Variants in ZNF626 observed in about 807,000 individuals in gnomAD.
ZNF626 encodes zinc finger protein 626, also known as CTC-513N18.7.
In ZNF626, 4 loss-of-function variants were observed where a neutral mutation model predicts 11.7. That is an observed-to-expected ratio of 0.34 (90% CI 0.17 to 0.78). ZNF626 has a LOEUF of 0.78. ZNF626 is among the 30% of genes least tolerant of loss of function. The probability of loss-of-function intolerance (pLI) is 0.57; values close to 1 mark genes in which losing one functional copy is unlikely to be tolerated. For synonymous variants in ZNF626, 179 were observed against 198.6 expected (o/e 0.90, Z 0.83); for missense variants, 588 against 587.1 (o/e 1.00, Z -0.01).
chr19:20,633,759 C>T (rs1555770639), intron 3 of ZNF626, among the ~76,000 whole-genome samples: 2 of 152,196 alleles, frequency 1.3e-5, no homozygotes, highest in African/African-American at 2.4e-5. Context: ...GATGCCTCGC[C>T]CTGCTTTGGC....
intron 3 of ZNF626, among the ~76,000 whole-genome samples, chr19:20,628,338 C>A (rs1158720161): frequency 6.6e-6 from 1 of 152,036 alleles, no homozygotes; most frequent in Non-Finnish European, 1.5e-5. Flanking sequence ...AGTTCTAGAT[C>A]CCTGAGGAAT....
At position 20,625,047 on chromosome 19, in the gene ZNF626, A is replaced by C. The variant is rs547563086; in HGVS notation, c.830T>G (p.Ile277Arg). ...GTAGGGTTTCTTTTCCGTATGAATT[A>C]TCTCATGTTTACTAAGGGTTGAGGA... is the stretch of plus-strand genomic sequence containing the variant. ...MSSSTLSKHE[I>R]IHTEKKPYKC... The change falls in exon 4 of 4, where the codon ATA becomes AGA. Residue 277 changes from isoleucine to arginine, a missense_variant. Ile to Arg is a moderately conservative substitution (Grantham distance 97). Around this residue, in one of 4 missense-constraint regions of ZNF626, gnomAD observed 524 missense variants for 470.1 expected, o/e 1.11. Transcript: ENST00000601440. 110 of 1,610,206 alleles carry C rather than the reference A, an allele frequency of 6.8e-5. 1 individual carries two copies. In the East Asian group the frequency reaches 2.5e-3, roughly 36 times the overall value.
At chr19:20,658,998 A>C (rs2144798064) in intron 1 of ZNF626, among the ~76,000 whole-genome samples, 1 of 152,342 alleles carries the variant, frequency 6.6e-6, no homozygotes, top group African/African-American at 2.4e-5. Flanking sequence ...AAATGGAAGA[A>C]ATGCATAGAA....
At position 20,624,018 on chromosome 19, in the gene ZNF626, T is replaced by C. The variant is rs10409289; in HGVS notation, c.*272A>G. 0.84 allele frequency: 531,232 copies of C among 634,170 alleles called. 224,323 individuals are homozygous for C. The highest frequency in any genetic ancestry group is 0.88 in the Admixed American group (32,742 of 37,416). 39.3% of individuals were successfully genotyped at this position (634,170 alleles called of 1,614,324 possible). The stretch of plus-strand genomic sequence containing the variant: ...ATTTTCCCCATTCATCACATTCACA[T>C]GGTTTCTCTCCAGTATGAATTATCT... On this transcript the variant is annotated 3_prime_UTR_variant, in exon 4 of 4. Coordinates refer to ENST00000601440, the MANE Select transcript of ZNF626 (RefSeq NM_001076675.3).
At chr19:20,628,452 A>G (rs1969865461) in intron 3 of ZNF626, among the ~76,000 whole-genome samples, 1 of 151,988 alleles carries the variant, frequency 6.6e-6, no homozygotes, top group Admixed American at 6.6e-5. Flanking sequence ...TTGTTTCCTG[A>G]CTTTTTAATG....
At chr19:20,629,713 G>A (rs1969881300) in intron 3 of ZNF626, among the ~76,000 whole-genome samples, 1 of 152,164 alleles carries the variant, frequency 6.6e-6, no homozygotes, top group Admixed American at 6.5e-5. Context: ...ATACAATCAT[G>A]TCATCTGCAA....
intron 1 of ZNF626, among the ~76,000 whole-genome samples, chr19:20,652,937 G>A (rs1970163357): frequency 6.6e-6 from 1 of 152,156 alleles, no homozygotes; most frequent in Admixed American, 6.5e-5. Context: ...CATGGTCTCT[G>A]AATCAGTTTC....
At chr19:20,653,566 T>C (rs1175961412) in intron 1 of ZNF626, among the ~76,000 whole-genome samples, 1 of 150,492 alleles carries the variant, frequency 6.6e-6, no homozygotes, top group Non-Finnish European at 1.5e-5. Flanking sequence ...GAAGCAGAGG[T>C]TGCAGTGAGC....
intron 1 of ZNF626, among the ~76,000 whole-genome samples, chr19:20,659,523 G>C (rs538439456): frequency 1.3e-5 from 2 of 152,216 alleles, no homozygotes; most frequent in South Asian, 2.1e-4. Flanking sequence ...TTACATGCCT[G>C]AGCCATGGCG....
chr19:20,623,444 T>C lies in ZNF626; in HGVS notation c.*846A>G, dbSNP rs1376648745. On this transcript the variant is annotated 3_prime_UTR_variant, in exon 4 of 4. Transcript: ENST00000601440. Reference sequence around the variant, plus strand: ...GATGGAAGTGTTGAAAAAAGCACTGTCACATCTTTCAGGTTTGTAGAGTTC... The same window carrying C: ...GATGGAAGTGTTGAAAAAAGCACTGCCACATCTTTCAGGTTTGTAGAGTTC... 6.6e-6 allele frequency: 1 copy of C among 152,432 alleles called. No individual in the cohort carries two copies. The highest frequency in any genetic ancestry group is 1.5e-5 in the Non-Finnish European group (1 of 68,210). 9.4% of individuals were successfully genotyped at this position (152,432 alleles called of 1,614,324 possible). A position where few individuals can be genotyped will look rare whatever the true frequency, so the allele number is the denominator to read the frequency against.
chr19:20,648,402 A>C (rs1216300241), intron 1 of ZNF626, among the ~76,000 whole-genome samples: 1 of 143,816 alleles, frequency 7.0e-6, no homozygotes, highest in Admixed American at 7.2e-5. Flanking sequence ...TCTGAGATGG[A>C]GTCTGGCTCT....
intron 1 of ZNF626, 106 bp from the exon 2 acceptor site, chr19:20,646,511 G>C: frequency 6.4e-7 from 1 of 1,564,792 alleles, no homozygotes; most frequent in South Asian, 1.2e-5. Context: ...CTGACTTATA[G>C]GACTGACTAA....
chr19:20,655,864 G>A (rs1305322373), intron 1 of ZNF626, among the ~76,000 whole-genome samples: 5 of 152,016 alleles, frequency 3.3e-5, no homozygotes, highest in African/African-American at 1.2e-4. Context: ...GAACCCAGGA[G>A]GCAGAGGTTG....
Position 20,626,176 on chromosome 19 carries a change from T to C in ZNF626, c.227-526A>G, listed in dbSNP as rs572620644. Among the ~76,000 whole-genome samples, 3 of 152,192 alleles carry C rather than the reference T, an allele frequency of 2.0e-5. No individual in the cohort carries two copies. In the East Asian group the frequency reaches 5.8e-4, roughly 29 times the overall value. On this transcript the variant is annotated intron_variant, in intron 3 of 3. Transcript: ENST00000601440. The stretch of plus-strand genomic sequence containing the variant: ...TACTCAGAAGGCTGAGGCAGAGAAC[T>C]GCTTGAACCTGGGAGGTGGAGGTTA...
At chr19:20,641,554 G>A (rs1239872902) in intron 3 of ZNF626, among the ~76,000 whole-genome samples, 1 of 152,062 alleles carries the variant, frequency 6.6e-6, no homozygotes, top group Non-Finnish European at 1.5e-5. Context: ...GGAGTCTTTT[G>A]CATAACAATG....
Position 20,632,487 on chromosome 19 carries a change from C to T in ZNF626, c.227-6837G>A, listed in dbSNP as rs540449089. On this transcript the variant is annotated intron_variant, in intron 3 of 3. Coordinates refer to ENST00000601440, the MANE Select transcript of ZNF626 (RefSeq NM_001076675.3). ...TATTTCTTGGAGGCTTTGTTCGTTT[C>T]TTTTTATTCTTTTTTCTCTAAACTT... 2.3e-3 allele frequency among the ~76,000 whole-genome samples: 354 copies of T among 152,194 alleles called. 1 individual carries two copies. The highest frequency in any genetic ancestry group is 7.9e-3 in the African/African-American group (328 of 41,534).
At chr19:20,655,002 C>G (rs1555772951) in intron 1 of ZNF626, among the ~76,000 whole-genome samples, 1 of 151,738 alleles carries the variant, frequency 6.6e-6, no homozygotes, top group Non-Finnish European at 1.5e-5. Context: ...AACCCAGCTA[C>G]TCAGGGTACT....
At chr19:20,653,273 C>T (rs73537369) in intron 1 of ZNF626, among the ~76,000 whole-genome samples, 5,245 of 152,116 alleles carry the variant, frequency 0.034, 301 homozygotes, top group African/African-American at 0.12. Flanking sequence ...AGAAACTCCA[C>T]AATAACAGAA....
At chr19:20,631,753 CTG>C (rs1160952959) in intron 3 of ZNF626, among the ~76,000 whole-genome samples, 1 of 151,294 alleles carries the variant, frequency 6.6e-6, no homozygotes, top group Non-Finnish European at 1.5e-5. Context: ...ATTTGCCAGT[CTG>C]TGTCTTTTAA....
Sources: allele counts gnomAD v4.1 joint callset (sites outside exome capture counted in the v4.1 genomes callset), GRCh38; gene constraint gnomAD v4.1.1; regional missense constraint gnomAD v4.1.1; transcripts MANE v1.5; gene names NCBI Gene and HGNC (gene_info 2026-07-23, HGNC 2026-07-21).